HELZ: variants seen among roughly 807,000 people sequenced by gnomAD.
The protein encoded by HELZ is helicase with zinc finger.
In HELZ, 23 loss-of-function variants were observed where a neutral mutation model predicts 218.2. The observed-to-expected ratio is 0.11, with a 90% CI of 0.08 to 0.15. The LOEUF is 0.15. HELZ is among the 10% of genes least tolerant of loss of function. The probability of loss-of-function intolerance (pLI) is 1.00; values close to 1 mark genes in which losing one functional copy is unlikely to be tolerated. For missense variants in HELZ, 1,813 were observed against 2,353.7 expected, an observed-to-expected ratio of 0.77 and a Z score of 4.75; for synonymous variants, 814 against 829.4, an observed-to-expected ratio of 0.98 and a Z score of 0.32.
chr17:67,233,971 G>A (rs901329825), intron 3 of HELZ, among the ~76,000 whole-genome samples: 11 of 150,466 alleles, frequency 7.3e-5, no homozygotes, highest in African/African-American at 2.7e-4. Context: ...GCTTGAACCC[G>A]GGAGGCAGAG....
In HELZ at chr17:67,086,631, A is replaced by AATATAAATATATATATATAT. The variant is rs914625902; in HGVS notation, c.5494+197_5494+198insATATATATATATATTTATAT. 6.6e-4 allele frequency among the ~76,000 whole-genome samples: 62 copies of AATATAAATATATATATATAT among 93,266 alleles called. 1 individual carries two copies. The highest frequency in any genetic ancestry group is 2.7e-3 in the African/African-American group (56 of 20,760). 61.2% of individuals were successfully genotyped at this position (93,266 alleles called of 152,430 possible). A position where few individuals can be genotyped will look rare whatever the true frequency, so the allele number is the denominator to read the frequency against. On this transcript the variant is annotated intron_variant, in intron 32 of 32. Coordinates refer to ENST00000358691, the MANE Select transcript of HELZ (RefSeq NM_014877.4). ...ATATATATAAATAAATATAAATATA[A>AATATAAATATATATATATAT]ATATATATATATATATATATATATA...
intron 23 of HELZ, among the ~76,000 whole-genome samples, chr17:67,131,925 TGACA>T (rs1260506222): frequency 6.6e-6 from 1 of 152,154 alleles, no homozygotes; most frequent in Non-Finnish European, 1.5e-5. Context: ...TACAGATAAT[TGACA>T]GATCACAATA....
intron 7 of HELZ, 62 bp from the exon 8 acceptor site, chr17:67,195,532 T>G (rs766981890): frequency 2.2e-6 from 2 of 897,794 alleles, no homozygotes; most frequent in Non-Finnish European, 3.7e-6. Flanking sequence ...GAACTAAACT[T>G]GAACATTTTC....
intron 3 of HELZ, among the ~76,000 whole-genome samples, chr17:67,220,434 CAT>C (rs1231924409): frequency 6.6e-6 from 1 of 152,196 alleles, no homozygotes; most frequent in Admixed American, 6.5e-5. Flanking sequence ...GGGATTTACA[CAT>C]GTGGTACAAT....
intron 3 of HELZ, among the ~76,000 whole-genome samples, chr17:67,236,633 TAGTA>T (rs1227361997): frequency 6.6e-6 from 1 of 152,232 alleles, no homozygotes; most frequent in African/African-American, 2.4e-5. Context: ...TTTCATGATA[TAGTA>T]AGTTTTTAAA....
chr17:67,158,720 G>A (rs922835846), intron 17 of HELZ, among the ~76,000 whole-genome samples: 22 of 151,992 alleles, frequency 1.4e-4, no homozygotes, highest in Non-Finnish European at 2.4e-4. Flanking sequence ...GTTAAAGGGC[G>A]AGTCTCGATA....
chr17:67,193,990 G>A lies in HELZ; in HGVS notation c.534C>T (p.Ser178=), dbSNP rs749564642. ...ACCTTTTACACAAAGTATATTCCTCGCTGCTTGTGATTCCCCTAGGTGGTG... is the reference window on the plus strand; with the variant it reads ...ACCTTTTACACAAAGTATATTCCTCACTGCTTGTGATTCCCCTAGGTGGTG... ...FRPPPRGITS[S]EEYTLCKRFL... is the part of the protein sequence containing the mutation. The change falls in exon 9 of 33, where the codon AGC becomes AGT. Residue 178 remains serine, a synonymous_variant. Transcript: ENST00000358691. The A allele has an allele frequency of 4.3e-6, 7 of 1,613,274 alleles. No homozygotes were observed. The highest frequency in any genetic ancestry group is 1.3e-5 in the African/African-American group (1 of 74,820).
chr17:67,089,668 T>TATATATATATATATAGAGAGAGAGAG (rs71293575), intron 31 of HELZ, among the ~76,000 whole-genome samples: 1 of 70,646 alleles, frequency 1.4e-5, no homozygotes. Context: ...TATATATATA[T>TATATATATATATATAGAGAGAGAGAG]AGAGAGAGAG....
Position 67,155,030 on chromosome 17 carries a change from CT to C in HELZ, c.2178-3807del, listed in dbSNP as rs1415261503. 7.2e-5 allele frequency among the ~76,000 whole-genome samples: 11 copies of C among 152,300 alleles called. No homozygotes were observed. In the East Asian group the frequency reaches 2.1e-3, roughly 29 times the overall value. On this transcript the variant is annotated intron_variant, in intron 17 of 32. Transcript: ENST00000358691. ...AAATTCCACCCATCCCCCAGATGAG[CT>C]ATTAAATCTGATAGTAGAATAAAGG...
intron 31 of HELZ, among the ~76,000 whole-genome samples, chr17:67,103,182 T>A (rs2036982937): frequency 6.6e-6 from 1 of 151,934 alleles, no homozygotes; most frequent in Non-Finnish European, 1.5e-5. Flanking sequence ...CAGAAAAAAA[T>A]TGGCAAAAGC....
intron 31 of HELZ, among the ~76,000 whole-genome samples, chr17:67,102,216 G>A (rs1567800959): frequency 6.6e-6 from 1 of 152,184 alleles, no homozygotes; most frequent in Non-Finnish European, 1.5e-5. Flanking sequence ...GGTGGGCATA[G>A]CAATTGGGGG....
chr17:67,119,993 C>CTTTCTT, intron 27 of HELZ: 1 of 139,246 alleles, frequency 7.2e-6, no homozygotes, highest in Non-Finnish European at 1.2e-5. Context: ...TCTCCCTTTT[C>CTTTCTT]TTTTTTTTTT....
intron 13 of HELZ, among the ~76,000 whole-genome samples, chr17:67,169,198 A>G (rs1029035422): frequency 6.6e-6 from 1 of 152,216 alleles, no homozygotes; most frequent in Non-Finnish European, 1.5e-5. Flanking sequence ...GTAAGACAAC[A>G]TGGTAAGAAA....
chr17:67,164,522 T>C (rs1227156645), intron 15 of HELZ, among the ~76,000 whole-genome samples: 4 of 152,182 alleles, frequency 2.6e-5, no homozygotes, highest in Admixed American at 6.5e-5. Context: ...GTTCTGGAGA[T>C]TGCACAACAG....
intron 3 of HELZ, among the ~76,000 whole-genome samples, chr17:67,223,170 G>C (rs1261007347): frequency 1.3e-5 from 2 of 151,802 alleles, no homozygotes; most frequent in African/African-American, 4.8e-5. Flanking sequence ...TGAGGAAGGA[G>C]AATGGCATGA....
At chr17:67,137,859 C>CA (rs2038200960) in intron 22 of HELZ, 72 bp downstream of exon 22, 2 of 1,133,256 alleles carry the variant, frequency 1.8e-6, no homozygotes, top group Non-Finnish European at 2.4e-6. Context: ...ATCTTGAGTA[C>CA]TAAAAATCCA....
chr17:67,086,129 C>T (rs1190685954), intron 32 of HELZ, among the ~76,000 whole-genome samples: 1 of 152,166 alleles, frequency 6.6e-6, no homozygotes, highest in Non-Finnish European at 1.5e-5. Context: ...ACTCACCCCC[C>T]TCAGCCCTGA....
chr17:67,131,452 A>G (rs750414913), intron 23 of HELZ, among the ~76,000 whole-genome samples: 3 of 152,202 alleles, frequency 2.0e-5, no homozygotes, highest in Non-Finnish European at 4.4e-5. Flanking sequence ...ATAGCCTTCG[A>G]GTTAACGTGT....
rs1200476724 is a variant in HELZ, at chr17:67,076,012, T to A, written c.*2240A>T. On this transcript the variant is annotated 3_prime_UTR_variant, in exon 33 of 33. Transcript: ENST00000358691. ...TTAACTAAATATAAATATAAATAAT[T>A]TAAAAACTGATATTTTTTAAAGATT... 2 of 152,542 alleles carry A rather than the reference T, an allele frequency of 1.3e-5. No homozygotes were observed. The highest frequency in any genetic ancestry group is 4.8e-5 in the African/African-American group (2 of 41,434). The allele number at this position is 152,542 out of a possible 1,614,324, so 9.4% of individuals were successfully genotyped here. A position where few individuals can be genotyped will look rare whatever the true frequency, so the allele number is the denominator to read the frequency against.
Sources: allele counts gnomAD v4.1 joint callset (sites outside exome capture counted in the v4.1 genomes callset), GRCh38; gene constraint gnomAD v4.1.1; transcripts MANE v1.5; gene names NCBI Gene and HGNC (gene_info 2026-07-23, HGNC 2026-07-21).